Variants in PRAMEF20 observed in about 807,000 individuals in gnomAD.
PRAMEF20 encodes the protein PRAME family member 20/21.
Under a neutral mutation model 32.4 loss-of-function variants are expected in PRAMEF20, and 27 were observed. That is an observed-to-expected ratio of 0.83 (90% CI 0.61 to 1.15). The LOEUF (loss-of-function observed/expected upper bound fraction) is 1.15, where lower values mean the gene tolerates loss of function less well. Among genes scored for constraint, PRAMEF20 ranks in the 50% most tolerant of loss-of-function variants. PRAMEF20 has a pLI of 0.00. For synonymous variants in PRAMEF20, 256 were observed against 235.4 expected (o/e 1.09, Z -0.80); for missense variants, 604 against 584.5 (o/e 1.03, Z -0.34).
upstream of PRAMEF20, among the ~76,000 whole-genome samples, chr1:13,413,081 A>C (rs1641129215): frequency 6.6e-6 from 1 of 152,232 alleles, no homozygotes. Context: ...AGGATCCCTC[A>C]ACAAAGATAC....
upstream of PRAMEF20, chr1:13,416,305 C>T (rs1428062164): frequency 1.9e-6 from 3 of 1,611,962 alleles, no homozygotes; most frequent in Admixed American, 1.7e-5. Context: ...GAGAGTGATG[C>T]CTTTTCTCTG....
intron 2 of PRAMEF20, 49 bp from the exon 4 acceptor site, chr1:13,420,646 CCA>C: frequency 1.2e-6 from 2 of 1,612,782 alleles, no homozygotes; most frequent in South Asian, 2.2e-5. Context: ...CTACCACCCT[CCA>C]CTCACCCCTA....
upstream of PRAMEF20, among the ~76,000 whole-genome samples, chr1:13,414,208 ATTTTTTTTTT>A (rs149194621): frequency 0.02 from 2,506 of 123,330 alleles, 79 homozygotes; most frequent in African/African-American, 0.07. Context: ...CACCTGACTA[ATTTTTTTTTT>A]TTTTTTTTTT....
rs1307166481 is a variant in PRAMEF20 at position 13,418,703 on chromosome 1, G to A, written c.866+3G>A. 19 of 1,613,246 alleles carry A rather than the reference G, an allele frequency of 1.2e-5. No individual in the cohort carries two copies. The Admixed American group carries it at 1.8e-4, about 16-fold the overall frequency. ...GGCCACCTGGACCAGATGCTCAGGT[G>A]AGGAAGGGTAGTGAGCTTTCTCTGC... is the stretch of plus-strand genomic sequence containing the variant. On this transcript the variant is annotated splice_donor_region_variant and intron_variant, in intron 2 of 2. Transcript: ENST00000602960.
At chr1:13,418,687 G>A (rs1054686412) in exon 2 of PRAMEF20, 4 of 1,613,530 alleles carry the variant, frequency 2.5e-6, no homozygotes, top group African/African-American at 2.7e-5. Context: ...AGGCCACCTG[G>A]ACCAGATGCT....
chr1:13,412,840 A>G (rs968067809), upstream of PRAMEF20, among the ~76,000 whole-genome samples: 4 of 151,414 alleles, frequency 2.6e-5, no homozygotes, highest in African/African-American at 9.7e-5. Flanking sequence ...ATGAGAATCC[A>G]TTGAACCTGG....
chr1:13,414,907 C>A (rs1487446980), upstream of PRAMEF20, among the ~76,000 whole-genome samples: 1 of 152,102 alleles, frequency 6.6e-6, no homozygotes, highest in African/African-American at 2.4e-5. Flanking sequence ...TCAAGTGATT[C>A]TCCAGCTTCA....
At chr1:13,420,361 C>T (rs1002571646) in intron 2 of PRAMEF20, among the ~76,000 whole-genome samples, 64 of 152,234 alleles carry the variant, frequency 4.2e-4, no homozygotes, top group African/African-American at 1.5e-3. Context: ...CAGGCGCCCA[C>T]CACCATGCCC....
At chr1:13,418,205 G>A (rs1475536857) in exon 2 of PRAMEF20, 5 of 1,611,818 alleles carry the variant, frequency 3.1e-6, no homozygotes, top group Non-Finnish European at 2.5e-6. Flanking sequence ...GCCCGTAGGT[G>A]CTTACCAAAT....
At chr1:13,419,829 G>GCC (rs1407469759) in intron 2 of PRAMEF20, among the ~76,000 whole-genome samples, 1 of 152,138 alleles carries the variant, frequency 6.6e-6, no homozygotes, top group Non-Finnish European at 1.5e-5. Flanking sequence ...TGAGCTCTGT[G>GCC]CCCCACAGCT....
At chr1:13,417,953 T>TGTG (rs1253350852) in intron 1 of PRAMEF20, among the ~76,000 whole-genome samples, 169 bp from the exon 3 acceptor site, 1 of 144,022 alleles carries the variant, frequency 6.9e-6, no homozygotes, top group African/African-American at 2.6e-5. Context: ...TGTGTGTGTG[T>TGTG]TTAGTAGAGA....
At chr1:13,418,535 T>C (rs1009145833) in exon 2 of PRAMEF20, 25 of 1,613,824 alleles carry the variant, frequency 1.5e-5, no homozygotes, top group African/African-American at 4.0e-5. Context: ...ATGAGGAATC[T>C]TCGGAAGCTC....
At chr1:13,421,279 A>G (rs1641242153) in exon 3 of PRAMEF20, 8 of 1,613,522 alleles carry the variant, frequency 5.0e-6, no homozygotes, top group East Asian at 4.5e-5. Context: ...ATTTGGGTGG[A>G]TATATCAAAC....
exon 2 of PRAMEF20, chr1:13,418,491 C>T (rs1641207536): frequency 6.8e-6 from 11 of 1,613,780 alleles, no homozygotes; most frequent in South Asian, 4.4e-5. Context: ...GGACACTGCC[C>T]GTCCTGGCAG....
chr1:13,414,208 A>ATTTTTTTTTTTTTTT (rs149194621), upstream of PRAMEF20, among the ~76,000 whole-genome samples: 2 of 123,282 alleles, frequency 1.6e-5, no homozygotes, highest in Non-Finnish European at 1.6e-5. Context: ...CACCTGACTA[A>ATTTTTTTTTTTTTTT]TTTTTTTTTT....
At chr1:13,417,996 G>A (rs921727562) in intron 1 of PRAMEF20, 126 bp from the exon 3 acceptor site, 63 of 1,337,402 alleles carry the variant, frequency 4.7e-5, no homozygotes, top group Admixed American at 1.5e-4. Context: ...GGATGTTCTC[G>A]ATCTCCTGAC....
At chr1:13,420,828 C>A in exon 3 of PRAMEF20, 1 of 1,613,910 alleles carries the variant, frequency 6.2e-7, no homozygotes, top group South Asian at 1.1e-5. Context: ...ACCAGACTGG[C>A]CAATTTCAGC....
upstream of PRAMEF20, among the ~76,000 whole-genome samples, chr1:13,413,512 A>G (rs1051260643): frequency 6.6e-6 from 1 of 151,638 alleles, no homozygotes; most frequent in African/African-American, 2.4e-5. Context: ...CTACAGGCAC[A>G]CACCACTGCA....
In PRAMEF20 at chr1:13,416,634, C is replaced by T. The variant is rs202075096; in HGVS notation, c.280C>T (p.Arg94Cys). The T allele has an allele frequency of 2.3e-4, 379 of 1,614,042 alleles. No individual in the cohort carries two copies. Among genetic ancestry groups the T allele is most frequent in the Admixed American group, 8.0e-4 (48 of 59,978 alleles). Residue 94 changes from arginine to cysteine, a missense_variant, in exon 1 of 3, where the codon CGT becomes TGT. Physicochemically the swap from Arg to Cys is radical, Grantham distance 180 (BLOSUM62 -3). Coordinates refer to ENST00000602960, the Ensembl canonical transcript of PRAMEF20. ...TGATGCACTGCTTACCCACAGGGTT[C>T]GTCTCAGGTGAGGTGGCCCAAGTGG...
Sources: gnomAD v4.1 joint callset for allele counts (sites outside exome capture counted in the v4.1 genomes callset) on GRCh38, gnomAD v4.1.1 for gene constraint, MANE v1.5 for transcripts, NCBI Gene and HGNC (gene_info 2026-07-23, HGNC 2026-07-21) for gene names.